The following NKAIN2 variants were observed in gnomAD, a reference collection of about 807,000 sequenced individuals.
The protein encoded by NKAIN2 is sodium/potassium-transporting ATPase subunit beta-1-interacting protein 2.
In NKAIN2, 14 loss-of-function variants were observed where a neutral mutation model predicts 32.6. The ratio of observed to expected loss-of-function variants is 0.43; its 90% CI spans 0.28 to 0.67. NKAIN2 has a LOEUF of 0.67. Ranked by LOEUF, NKAIN2 falls within the 30% of genes least tolerant of loss-of-function variation. The pLI, the probability that NKAIN2 is intolerant of heterozygous loss-of-function variation, is 0.17. For missense variants in NKAIN2, 198 were observed against 258.3 expected, an observed-to-expected ratio of 0.77 and a Z score of 1.60; for synonymous variants, 80 against 87.2, an observed-to-expected ratio of 0.92 and a Z score of 0.46.
At chr6:124,363,555 C>T (rs1403402268) in intron 3 of NKAIN2, among the ~76,000 whole-genome samples, 2 of 152,180 alleles carry the variant, frequency 1.3e-5, no homozygotes, top group Non-Finnish European at 2.9e-5. Context: ...TCTGTAAATG[C>T]ATAATGAAAA....
At chr6:124,462,867 T>A (rs1776587652) in intron 3 of NKAIN2, among the ~76,000 whole-genome samples, 1 of 152,058 alleles carries the variant, frequency 6.6e-6, no homozygotes, top group African/African-American at 2.4e-5. Context: ...TACTCTGACA[T>A]ATGATTGAAA....
chr6:124,629,759 T>G lies in NKAIN2; in HGVS notation c.274-28427T>G, dbSNP rs547975521. Among the ~76,000 whole-genome samples the G allele has an allele frequency of 3.9e-5, 6 of 152,250 alleles. No individual in the cohort carries two copies. In the South Asian group the frequency reaches 1.2e-3, roughly 32 times the overall value. On this transcript the variant is annotated intron_variant, in intron 3 of 6. Coordinates refer to ENST00000368417, the MANE Select transcript of NKAIN2 (RefSeq NM_001040214.3). ...TAGTCAAAAAGAAACGTTAAACCAATTTAGGAAGGGGCAGAGCTCATATGA... is the reference window on the plus strand; with the variant it reads ...TAGTCAAAAAGAAACGTTAAACCAAGTTAGGAAGGGGCAGAGCTCATATGA...
chr6:124,050,932 AT>A (rs1417978655), intron 1 of NKAIN2, among the ~76,000 whole-genome samples: 1 of 152,050 alleles, frequency 6.6e-6, no homozygotes, highest in African/African-American at 2.4e-5. Flanking sequence ...CTTATTCTTT[AT>A]TCCTTTTGTT....
chr6:123,863,726 G>C (rs1305396868), intron 1 of NKAIN2, among the ~76,000 whole-genome samples: 1 of 152,150 alleles, frequency 6.6e-6, no homozygotes, highest in Non-Finnish European at 1.5e-5. Context: ...CCCATATGCT[G>C]CTCTTAGGAC....
chr6:124,348,168 A>T lies in NKAIN2; in HGVS notation c.193-7099A>T, dbSNP rs369325257. The stretch of plus-strand genomic sequence containing the variant: ...AACCGTGGATTTTCGTGATCCGCGA[A>T]TGCTGCTGTCTGCTTGTTCCTCTGG... On this transcript the variant is annotated intron_variant, in intron 2 of 6. Coordinates refer to ENST00000368417, the MANE Select transcript of NKAIN2 (RefSeq NM_001040214.3). 1.2e-4 allele frequency among the ~76,000 whole-genome samples: 19 copies of T among 152,236 alleles called. No individual in the cohort carries two copies. The South Asian group carries it at 1.5e-3, about 12-fold the overall frequency.
chr6:124,714,615 G>A (rs1407290137), intron 4 of NKAIN2, among the ~76,000 whole-genome samples: 2 of 152,184 alleles, frequency 1.3e-5, no homozygotes, highest in Non-Finnish European at 2.9e-5. Context: ...CCCTACAAAC[G>A]AAAGTAAGAG....
At chr6:124,507,388 A>G (rs974328731) in intron 3 of NKAIN2, among the ~76,000 whole-genome samples, 3 of 152,190 alleles carry the variant, frequency 2.0e-5, no homozygotes, top group African/African-American at 7.2e-5. Context: ...TATTTCTATT[A>G]CAGAGCTTTA....
chr6:124,780,151 T>A (rs1050321140), intron 4 of NKAIN2, among the ~76,000 whole-genome samples: 2 of 152,046 alleles, frequency 1.3e-5, no homozygotes, highest in Non-Finnish European at 2.9e-5. Flanking sequence ...GTTATCAAAA[T>A]CAGAACAGGT....
intron 3 of NKAIN2, among the ~76,000 whole-genome samples, chr6:124,401,103 A>G (rs574910820): frequency 6.6e-6 from 1 of 152,180 alleles, no homozygotes; most frequent in Non-Finnish European, 1.5e-5. Context: ...CAAAATATGT[A>G]TCCCTTTTGC....
intron 4 of NKAIN2, among the ~76,000 whole-genome samples, chr6:124,779,834 T>C (rs1779179592): frequency 6.6e-6 from 1 of 152,108 alleles, no homozygotes; most frequent in South Asian, 2.1e-4. Flanking sequence ...CCAACCAAAT[T>C]CAGCAGAAGA....
At chr6:124,665,703 C>T (rs1583609472) in intron 4 of NKAIN2, among the ~76,000 whole-genome samples, 1 of 152,148 alleles carries the variant, frequency 6.6e-6, no homozygotes, top group African/African-American at 2.4e-5. Flanking sequence ...TGCTCAGAAA[C>T]ACCTGGTGTC....
At chr6:124,466,810 G>T (rs1009255303) in intron 3 of NKAIN2, among the ~76,000 whole-genome samples, 3 of 150,790 alleles carry the variant, frequency 2.0e-5, no homozygotes, top group African/African-American at 7.3e-5. Flanking sequence ...AACTAAAATT[G>T]TCTATGAAAA....
chr6:123,871,977 G>T (rs892739802), intron 1 of NKAIN2, among the ~76,000 whole-genome samples: 3 of 152,076 alleles, frequency 2.0e-5, no homozygotes, highest in African/African-American at 7.2e-5. Flanking sequence ...GTGGATTCTA[G>T]ATTTTTCATT....
chr6:124,061,829 C>T (rs959154052), intron 1 of NKAIN2, among the ~76,000 whole-genome samples: 2 of 151,904 alleles, frequency 1.3e-5, no homozygotes, highest in African/African-American at 2.4e-5. Context: ...TACTTTTTCA[C>T]GTAAGAAAAC....
intron 1 of NKAIN2, among the ~76,000 whole-genome samples, chr6:124,258,904 T>C (rs1794086416): frequency 6.6e-6 from 1 of 152,218 alleles, no homozygotes; most frequent in African/African-American, 2.4e-5. Context: ...TTCCAAGGCA[T>C]TTTGAGAGCA....
chr6:124,592,836 C>G (rs1781959731), intron 3 of NKAIN2, among the ~76,000 whole-genome samples: 1 of 152,106 alleles, frequency 6.6e-6, no homozygotes, highest in Non-Finnish European at 1.5e-5. Flanking sequence ...GTGTAGAGTC[C>G]TTGCACAAGT....
intron 1 of NKAIN2, among the ~76,000 whole-genome samples, chr6:123,917,560 AGGT>A (rs1775558545): frequency 6.6e-6 from 1 of 152,192 alleles, no homozygotes; most frequent in South Asian, 2.1e-4. Flanking sequence ...ATGAAGGGCC[AGGT>A]GTAACCTGCA....
At chr6:124,578,703 A>C (rs1370239686) in intron 3 of NKAIN2, among the ~76,000 whole-genome samples, 1 of 149,450 alleles carries the variant, frequency 6.7e-6, no homozygotes, top group Non-Finnish European at 1.5e-5. Flanking sequence ...TAATTATAGA[A>C]CCCTAGGGCC....
At chr6:124,535,873 C>T (rs1197804181) in intron 3 of NKAIN2, among the ~76,000 whole-genome samples, 2 of 152,196 alleles carry the variant, frequency 1.3e-5, no homozygotes, top group African/African-American at 2.4e-5. Context: ...AATTCCCTCC[C>T]TTCCTCCTCA....
Sources: gnomAD v4.1 joint callset for allele counts (sites outside exome capture counted in the v4.1 genomes callset) on GRCh38, gnomAD v4.1.1 for gene constraint, MANE v1.5 for transcripts, NCBI Gene and HGNC (gene_info 2026-07-23, HGNC 2026-07-21) for gene names.